CCDC179: variants seen among roughly 807,000 people sequenced by gnomAD.
CCDC179 encodes coiled-coil domain containing 179.
Under a neutral mutation model 12.0 loss-of-function variants are expected in CCDC179, and 17 were observed. That is an observed-to-expected ratio of 1.42 (90% CI 0.97 to 2.13). CCDC179 has a LOEUF of 2.13. Ranked by LOEUF, CCDC179 falls within the 30% of genes most tolerant of loss-of-function variation. The pLI is 0.00. For missense variants in CCDC179, 83 were observed against 78.6 expected (o/e 1.06, Z -0.21); for synonymous variants, 27 against 26.4 (o/e 1.02, Z -0.07).
intron 3 of CCDC179, among the ~76,000 whole-genome samples, chr11:22,851,632 A>T (rs1858406050): frequency 6.6e-6 from 1 of 152,236 alleles, no homozygotes; most frequent in South Asian, 2.1e-4. Context: ...ATCTTGTTAC[A>T]TTCATCAGAG....
chr11:22,851,000 T>TTTTTTTTTTTTTTTTTG, intron 3 of CCDC179, among the ~76,000 whole-genome samples: 1 of 83,284 alleles, frequency 1.2e-5, no homozygotes, highest in African/African-American at 3.8e-5. Flanking sequence ...TTTTTTTTTT[T>TTTTTTTTTTTTTTTTTG]GCTGAGATGG....
chr11:22,857,854 A>C lies in CCDC179; in HGVS notation c.195+68T>G. The C allele has an allele frequency of 2.6e-6, 2 of 754,988 alleles. 1 individual carries two copies. The highest frequency in any genetic ancestry group is 6.2e-5 in the East Asian group (2 of 32,472). The allele number at this position is 754,988 out of a possible 1,614,324, so 46.8% of individuals were successfully genotyped here. On this transcript the variant is annotated intron_variant, in intron 3 of 3. Transcript: ENST00000532798. ...AAAGAAAATTTATAGTGAATATTAC[A>C]TGAATTAAAATGATGATATCAGTTG...
intron 1 of CCDC179, 135 bp downstream of exon 1, chr11:22,860,242 C>T: frequency 1.0e-6 from 1 of 973,350 alleles, no homozygotes; most frequent in Non-Finnish European, 1.5e-6. Flanking sequence ...TCTACATCAC[C>T]TGGAATTTCC....
chr11:22,847,369 C>A lies in CCDC179; in HGVS notation c.*141G>T. 1 of 444,504 alleles carries A rather than the reference C, an allele frequency of 2.2e-6. No individual in the cohort carries two copies. Among genetic ancestry groups the A allele is most frequent in the Non-Finnish European group, 3.9e-6 (1 of 258,856 alleles). The allele number at this position is 444,504 out of a possible 1,614,324, so 27.5% of individuals were successfully genotyped here. On this transcript the variant is annotated 3_prime_UTR_variant, in exon 4 of 4. Transcript: ENST00000532798. Reference sequence around the variant, plus strand: ...GAGCCTGTAGCTTGGATATTAAATACTTGCACTGTGTTTATTTTTCCGAAA... The same window carrying A: ...GAGCCTGTAGCTTGGATATTAAATAATTGCACTGTGTTTATTTTTCCGAAA...
chr11:22,848,607 T>C (rs1858291127), intron 3 of CCDC179, among the ~76,000 whole-genome samples: 1 of 152,240 alleles, frequency 6.6e-6, no homozygotes, highest in Non-Finnish European at 1.5e-5. Context: ...GCTTTTATTT[T>C]GTCCCAAAAC....
chr11:22,854,877 T>C (rs1377083266), intron 3 of CCDC179, among the ~76,000 whole-genome samples: 1 of 151,752 alleles, frequency 6.6e-6, no homozygotes, highest in Non-Finnish European at 1.5e-5. Context: ...GAGAAAGATA[T>C]ACATTGCTAA....
chr11:22,855,375 A>C (rs984732667), intron 3 of CCDC179, among the ~76,000 whole-genome samples: 1 of 151,688 alleles, frequency 6.6e-6, no homozygotes, highest in African/African-American at 2.4e-5. Context: ...GTGGAGTTAA[A>C]CTGGAAACCA....
At chr11:22,849,056 T>A (rs78131192) in intron 3 of CCDC179, among the ~76,000 whole-genome samples, 19,266 of 152,272 alleles carry the variant, frequency 0.13, 1,581 homozygotes, top group Non-Finnish European at 0.18. Flanking sequence ...CTATACATCT[T>A]GGTCAATATA....
Position 22,847,450 on chromosome 11 carries a change from G to A in CCDC179, c.*60C>T, listed in dbSNP as rs1448849304. 17 of 1,132,034 alleles carry A rather than the reference G, an allele frequency of 1.5e-5. No individual in the cohort carries two copies. The African/African-American group carries it at 2.7e-4, about 18-fold the overall frequency. The allele number at this position is 1,132,034 out of a possible 1,614,324, so 70.1% of individuals were successfully genotyped here. On this transcript the variant is annotated 3_prime_UTR_variant, in exon 4 of 4. Coordinates refer to ENST00000532798, the MANE Select transcript of CCDC179 (RefSeq NM_001195637.2). The stretch of plus-strand genomic sequence containing the variant: ...ATCAATTCATGATATGTCACTTGAT[G>A]TTCACAATCCACATATTTCTGTCTG...
chr11:22,858,170 C>T (rs559565862), intron 2 of CCDC179, 144 bp from the exon 3 acceptor site: 626 of 500,344 alleles, frequency 1.3e-3, no homozygotes, highest in Non-Finnish European at 1.7e-3. Context: ...AGAAATAGGG[C>T]GAAAAATCTC....
At chr11:22,848,061 C>A (rs1858268568) in intron 3 of CCDC179, among the ~76,000 whole-genome samples, 2 of 152,104 alleles carry the variant, frequency 1.3e-5, no homozygotes, top group Admixed American at 1.3e-4. Flanking sequence ...TCAGTATTGG[C>A]AGAAATTTAA....
intron 3 of CCDC179, among the ~76,000 whole-genome samples, chr11:22,857,610 T>G: frequency 6.6e-6 from 1 of 151,704 alleles, no homozygotes; most frequent in East Asian, 1.9e-4. Context: ...GGCAATAAAT[T>G]TTCAGATATA....
chr11:22,848,316 T>C (rs1375242745), intron 3 of CCDC179, among the ~76,000 whole-genome samples: 32 of 152,030 alleles, frequency 2.1e-4, no homozygotes, highest in Admixed American at 2.1e-3. Flanking sequence ...TGGTGGCACA[T>C]GCCTGTAATC....
intron 3 of CCDC179, among the ~76,000 whole-genome samples, chr11:22,856,620 C>T (rs994277500): frequency 1.3e-5 from 2 of 151,496 alleles, no homozygotes; most frequent in South Asian, 2.1e-4. Flanking sequence ...TGTACCTTCT[C>T]ACTTCTGTTC....
In CCDC179 at chr11:22,858,003, A is replaced by G; in HGVS notation, c.114T>C (p.Asn38=). 6.6e-7 allele frequency: 1 copy of G among 1,515,746 alleles called. No individual in the cohort carries two copies. The allele number at this position is 1,515,746 out of a possible 1,614,324, so 93.9% of individuals were successfully genotyped here. A position where few individuals can be genotyped will look rare whatever the true frequency, so the allele number is the denominator to read the frequency against. The change falls in exon 3 of 4, where the codon AAT becomes AAC. Residue 38 remains asparagine, a synonymous_variant. Coordinates refer to ENST00000532798, the MANE Select transcript of CCDC179 (RefSeq NM_001195637.2). ...ERQLANKRIQ[N]MQHLKKEKRR... is the part of the protein sequence containing the mutation. The stretch of plus-strand genomic sequence containing the variant: ...TCTTCTCTTTCTTTAGGTGTTGCAT[A>G]TTCTGAATACGTTTATTTGCAAGCT...
In CCDC179 at chr11:22,860,363, C is replaced by G; in HGVS notation, c.45+14G>C. On this transcript the variant is annotated intron_variant, in intron 1 of 3. Transcript: ENST00000532798. ...GAGTGGCAGAGTTGAGGTTGTAGGC[C>G]CCAGCAGACTCACAGGGTTGACTTG... The G allele has an allele frequency of 5.9e-6, 9 of 1,535,414 alleles. No individual in the cohort carries two copies. The highest frequency in any genetic ancestry group is 7.8e-6 in the Non-Finnish European group (9 of 1,146,546).
chr11:22,847,494 A>G lies in CCDC179; in HGVS notation c.*16T>C. The G allele has an allele frequency of 7.0e-7, 1 of 1,430,118 alleles. No individual in the cohort carries two copies. The highest frequency in any genetic ancestry group is 9.3e-7 in the Non-Finnish European group (1 of 1,075,738). The allele number at this position is 1,430,118 out of a possible 1,614,324, so 88.6% of individuals were successfully genotyped here. A position where few individuals can be genotyped will look rare whatever the true frequency, so the allele number is the denominator to read the frequency against. Reference sequence around the variant, plus strand: ...CTGTCTGGAGCATGGTTTCCTTCAAATAGACTCCTGCTTTATCAAGATGAC... The same window carrying G: ...CTGTCTGGAGCATGGTTTCCTTCAAGTAGACTCCTGCTTTATCAAGATGAC... On this transcript the variant is annotated 3_prime_UTR_variant, in exon 4 of 4. Coordinates refer to ENST00000532798, the MANE Select transcript of CCDC179 (RefSeq NM_001195637.2).
At chr11:22,853,157 A>G (rs1279779705) in intron 3 of CCDC179, among the ~76,000 whole-genome samples, 4 of 152,178 alleles carry the variant, frequency 2.6e-5, no homozygotes, top group Non-Finnish European at 5.9e-5. Flanking sequence ...CATAAAACCT[A>G]CACTAAAAGC....
rs540610338 is a variant in CCDC179, at chr11:22,854,102, G to A, written c.195+3820C>T. On this transcript the variant is annotated intron_variant, in intron 3 of 3. Transcript: ENST00000532798. ...ACCTAGGATTCTGTATCATGTGCAA[G>A]TATCCTTCCAAAGTGAAAGAGAACA... Among the ~76,000 whole-genome samples, 84 of 151,922 alleles carry A rather than the reference G, an allele frequency of 5.5e-4. 1 individual carries two copies. In the South Asian group the frequency reaches 7.9e-3, roughly 14 times the overall value.
Sources: allele counts gnomAD v4.1 joint callset (sites outside exome capture counted in the v4.1 genomes callset), GRCh38; gene constraint gnomAD v4.1.1; transcripts MANE v1.5; gene names NCBI Gene and HGNC (gene_info 2026-07-23, HGNC 2026-07-21).